TRPM3: variants seen among roughly 807,000 people sequenced by gnomAD.
TRPM3 encodes the protein transient receptor potential cation channel subfamily M member 3.
A neutral mutation model predicts 181.2 loss-of-function variants in TRPM3; 77 were observed. That is an observed-to-expected ratio of 0.42 (90% CI 0.35 to 0.51). TRPM3 has a LOEUF of 0.51. Ranked by LOEUF, TRPM3 falls within the 20% of genes least tolerant of loss-of-function variation. The pLI is 0.01. For synonymous variants in TRPM3, 745 were observed against 796.4 expected (o/e 0.94, Z 1.09); for missense variants, 1,759 against 2,196.7 (o/e 0.80, Z 3.98).
chr9:71,123,704 G>A (rs1466354270), upstream of TRPM3, among the ~76,000 whole-genome samples: 1 of 152,190 alleles, frequency 6.6e-6, no homozygotes, highest in Non-Finnish European at 1.5e-5. Flanking sequence ...GAGACTGCAA[G>A]GGCAGCGTGG....
At chr9:71,045,987 C>T (rs1036050964) in intron 1 of TRPM3, among the ~76,000 whole-genome samples, 3 of 143,938 alleles carry the variant, frequency 2.1e-5, no homozygotes, top group Non-Finnish European at 4.7e-5. Flanking sequence ...GTATTGCCTA[C>T]ACTTTTTTTT....
chr9:71,196,490 T>C (rs189940026), intron 1 of TRPM3, among the ~76,000 whole-genome samples: 1 of 152,022 alleles, frequency 6.6e-6, no homozygotes, highest in East Asian at 1.9e-4. Context: ...CTTAACATCA[T>C]GGAATCTAAT....
chr9:70,531,922 G>A lies in TRPM3; in HGVS notation c.*4031C>T, dbSNP rs2040930781. ...GGAACAAAAATGCCCGGTTCACAAA[G>A]ATGCTAAATAACATGGAATTGGGAA... On this transcript the variant is annotated 3_prime_UTR_variant, in exon 26 of 26. Coordinates refer to ENST00000677713, the MANE Select transcript of TRPM3 (RefSeq NM_001366145.2). 6.6e-6 allele frequency: 1 copy of A among 151,918 alleles called. No individual in the cohort carries two copies. Among genetic ancestry groups the A allele is most frequent in the South Asian group, 2.1e-4 (1 of 4,744 alleles). The allele number at this position is 151,918 out of a possible 1,614,324, so 9.4% of individuals were successfully genotyped here.
In TRPM3 at chr9:70,533,554, C is replaced by A. The variant is rs1483957572; in HGVS notation, c.*2399G>T. The stretch of plus-strand genomic sequence containing the variant: ...CAATATAGAACCAGGGGCTCATGAA[C>A]CCTTTCAAGTTATATTGCAACTTTG... On this transcript the variant is annotated 3_prime_UTR_variant, in exon 26 of 26. Coordinates refer to ENST00000677713, the MANE Select transcript of TRPM3 (RefSeq NM_001366145.2). 2 of 152,106 alleles carry A rather than the reference C, an allele frequency of 1.3e-5. No homozygotes were observed. Among genetic ancestry groups the A allele is most frequent in the African/African-American group, 2.4e-5 (1 of 41,420 alleles). 9.4% of individuals were successfully genotyped at this position (152,106 alleles called of 1,614,324 possible).
At chr9:70,797,664 G>C (rs1025682710) in intron 6 of TRPM3, among the ~76,000 whole-genome samples, 1 of 152,156 alleles carries the variant, frequency 6.6e-6, no homozygotes, top group Non-Finnish European at 1.5e-5. Flanking sequence ...GGTTTCAAGA[G>C]AAGGAATTTT....
At chr9:70,881,716 C>T (rs1229246163) in intron 1 of TRPM3, among the ~76,000 whole-genome samples, 1 of 152,216 alleles carries the variant, frequency 6.6e-6, no homozygotes, top group Admixed American at 6.5e-5. Context: ...GATGACATTG[C>T]AATGGTGCTT....
intron 1 of TRPM3, among the ~76,000 whole-genome samples, chr9:71,359,512 A>G (rs2092052968): frequency 6.6e-6 from 1 of 152,138 alleles, no homozygotes; most frequent in Non-Finnish European, 1.5e-5. Context: ...CTATTAACCC[A>G]CTGCTATTTA....
At chr9:70,847,777 C>T (rs1309102646) in intron 3 of TRPM3, among the ~76,000 whole-genome samples, 1 of 152,072 alleles carries the variant, frequency 6.6e-6, no homozygotes, top group Non-Finnish European at 1.5e-5. Context: ...CACAATCAGG[C>T]CCCCACACAG....
chr9:70,651,642 G>C (rs1173436478), intron 9 of TRPM3, among the ~76,000 whole-genome samples: 2 of 152,198 alleles, frequency 1.3e-5, no homozygotes, highest in Admixed American at 6.5e-5. Context: ...GACTGCCACT[G>C]TTAATTTCTA....
intron 1 of TRPM3, among the ~76,000 whole-genome samples, chr9:70,957,998 T>C (rs1187508091): frequency 6.6e-6 from 1 of 152,144 alleles, no homozygotes; most frequent in Non-Finnish European, 1.5e-5. Context: ...AACCAGAAAA[T>C]TAGGAATAGC....
chr9:70,659,591 T>C (rs935418693), intron 9 of TRPM3, among the ~76,000 whole-genome samples: 1 of 152,172 alleles, frequency 6.6e-6, no homozygotes, highest in Non-Finnish European at 1.5e-5. Flanking sequence ...GTGTCTTTAG[T>C]AAAAATAGGA....
intron 22 of TRPM3, among the ~76,000 whole-genome samples, chr9:70,574,092 G>GCGCA (rs961733949): frequency 1.4e-4 from 17 of 119,176 alleles, no homozygotes; most frequent in African/African-American, 4.8e-4. Flanking sequence ...ACACGCGCGC[G>GCGCA]CACACACACA....
At chr9:71,343,758 G>A (rs894942421) in intron 1 of TRPM3, among the ~76,000 whole-genome samples, 1 of 152,032 alleles carries the variant, frequency 6.6e-6, no homozygotes, top group Non-Finnish European at 1.5e-5. Context: ...CCCATTAGAA[G>A]GAACAAAATA....
intron 1 of TRPM3, among the ~76,000 whole-genome samples, chr9:71,408,767 C>T (rs1277027513): frequency 6.6e-6 from 1 of 152,128 alleles, no homozygotes; most frequent in Non-Finnish European, 1.5e-5. Context: ...CACAAAGATA[C>T]TCCTCGAGGA....
At chr9:71,433,972 A>G (rs1313682153) in intron 1 of TRPM3, among the ~76,000 whole-genome samples, 1 of 152,150 alleles carries the variant, frequency 6.6e-6, no homozygotes, top group African/African-American at 2.4e-5. Flanking sequence ...CCTGGCCAAC[A>G]TGGAGAAACC....
chr9:71,234,260 A>G (rs1223912616), intron 1 of TRPM3, among the ~76,000 whole-genome samples: 1 of 152,154 alleles, frequency 6.6e-6, no homozygotes, highest in South Asian at 2.1e-4. Flanking sequence ...AGTGTTACAT[A>G]TCTTAGCCTT....
At chr9:70,699,297 G>T (rs1434939452) in intron 8 of TRPM3, among the ~76,000 whole-genome samples, 1 of 152,212 alleles carries the variant, frequency 6.6e-6, no homozygotes, top group Non-Finnish European at 1.5e-5. Flanking sequence ...AGACGTCATG[G>T]AGAAGATGAG....
At chr9:70,999,891 T>G (rs1300931413) in intron 1 of TRPM3, among the ~76,000 whole-genome samples, 1 of 152,132 alleles carries the variant, frequency 6.6e-6, no homozygotes, top group African/African-American at 2.4e-5. Context: ...CAGAAGTCAG[T>G]TGGGGGAAAG....
chr9:70,874,060 T>C (rs937046957), intron 1 of TRPM3, among the ~76,000 whole-genome samples: 2 of 151,908 alleles, frequency 1.3e-5, no homozygotes, highest in African/African-American at 4.8e-5. Context: ...GTTTTTATCA[T>C]CTGATTGGGA....
Sources: allele counts gnomAD v4.1 joint callset (sites outside exome capture counted in the v4.1 genomes callset), GRCh38; gene constraint gnomAD v4.1.1; transcripts MANE v1.5; gene names NCBI Gene and HGNC (gene_info 2026-07-23, HGNC 2026-07-21).